NFIB: variants seen among roughly 807,000 people sequenced by gnomAD.
NFIB encodes the protein nuclear factor I B, also known as nuclear factor 1 B-type.
A neutral mutation model predicts 61.5 loss-of-function variants in NFIB; 11 were observed. The observed-to-expected ratio is 0.18, with a 90% CI of 0.11 to 0.30. The LOEUF (loss-of-function observed/expected upper bound fraction) is 0.30, where lower values mean the gene tolerates loss of function less well. Among genes scored for constraint, NFIB ranks in the 10% least tolerant of loss-of-function variants. The pLI, the probability that NFIB is intolerant of heterozygous loss-of-function variation, is 1.00. For missense variants in NFIB, 471 were observed against 608.9 expected, an observed-to-expected ratio of 0.77 and a Z score of 2.38; for synonymous variants, 260 against 216.5, an observed-to-expected ratio of 1.20 and a Z score of -1.76.
intron 1 of NFIB, chr9:14,357,597 T>C (rs1339856810): frequency 6.6e-6 from 1 of 152,200 alleles, no homozygotes; most frequent in African/African-American, 2.4e-5. Flanking sequence ...TAAATAGCAG[T>C]TTCCTTAATC....
At chr9:14,482,367 G>A in the NFIB span, among the ~76,000 whole-genome samples, 1 of 152,108 alleles carries the variant, frequency 6.6e-6, no homozygotes, top group Non-Finnish European at 1.5e-5. Context: ...GGGATATCGT[G>A]TTATGTCCCC....
chr9:14,216,075 T>A (rs1450890409), intron 2 of NFIB, among the ~76,000 whole-genome samples: 1 of 152,184 alleles, frequency 6.6e-6, no homozygotes, highest in Non-Finnish European at 1.5e-5. Context: ...GAATTTAAAT[T>A]TAGTCAAAAA....
the NFIB span, among the ~76,000 whole-genome samples, chr9:14,481,671 T>C: frequency 7.9e-4 from 121 of 152,208 alleles, no homozygotes; most frequent in African/African-American, 2.7e-3. Context: ...CCCATCTCCA[T>C]GGCCACTCCT....
At chr9:14,130,285 C>T (rs1182254397) in intron 6 of NFIB, among the ~76,000 whole-genome samples, 1 of 152,140 alleles carries the variant, frequency 6.6e-6, no homozygotes, top group African/African-American at 2.4e-5. Context: ...TTTGTTTAAA[C>T]TTCAGTGAAG....
the NFIB span, among the ~76,000 whole-genome samples, chr9:14,404,934 G>A: frequency 6.6e-6 from 1 of 152,222 alleles, no homozygotes; most frequent in African/African-American, 2.4e-5. Flanking sequence ...GATTTTGGCT[G>A]AGGTTCCAGT....
chr9:14,520,464 G>A, the NFIB span, among the ~76,000 whole-genome samples: 1 of 152,174 alleles, frequency 6.6e-6, no homozygotes, highest in African/African-American at 2.4e-5. Context: ...CTTGTACTTA[G>A]AGCAGCTCAG....
At chr9:14,419,131 T>C in the NFIB span, among the ~76,000 whole-genome samples, 1 of 151,568 alleles carries the variant, frequency 6.6e-6, no homozygotes. Context: ...AATAGAGGTT[T>C]GTTGCACTAA....
intron 2 of NFIB, among the ~76,000 whole-genome samples, chr9:14,290,979 T>C (rs10810124): frequency 0.34 from 51,860 of 151,914 alleles, 9,177 homozygotes; most frequent in Middle Eastern, 0.43. Context: ...CCATCAACAA[T>C]TGTGCCTGAA....
At chr9:14,166,757 G>C (rs932742242) in intron 3 of NFIB, among the ~76,000 whole-genome samples, 14 of 151,990 alleles carry the variant, frequency 9.2e-5, no homozygotes, top group Non-Finnish European at 1.5e-4. Context: ...TCTGCTTCTG[G>C]AATAAGTATC....
the NFIB span, among the ~76,000 whole-genome samples, chr9:14,420,436 A>T: frequency 8.9e-6 from 1 of 112,114 alleles, no homozygotes; most frequent in Non-Finnish European, 1.7e-5. Flanking sequence ...ACAGAGCGAG[A>T]CTCCGTCTCA....
intron 2 of NFIB, among the ~76,000 whole-genome samples, chr9:14,282,156 T>A (rs553615561): frequency 6.6e-6 from 1 of 152,284 alleles, no homozygotes; most frequent in South Asian, 2.1e-4. Context: ...TGGAGGGCAA[T>A]TTTTAAATAT....
chr9:14,439,495 T>A, the NFIB span, among the ~76,000 whole-genome samples: 1 of 152,248 alleles, frequency 6.6e-6, no homozygotes, highest in South Asian at 2.1e-4. Flanking sequence ...TGAATAAACA[T>A]ACAATGTGCT....
At chr9:14,522,185 C>G in the NFIB span, among the ~76,000 whole-genome samples, 1 of 152,154 alleles carries the variant, frequency 6.6e-6, no homozygotes, top group Non-Finnish European at 1.5e-5. Context: ...GCGATGAAGT[C>G]AAAGGTTTAC....
intron 2 of NFIB, among the ~76,000 whole-genome samples, chr9:14,235,976 T>C (rs1033567263): frequency 6.6e-6 from 1 of 152,212 alleles, no homozygotes; most frequent in Admixed American, 6.5e-5. Context: ...CATTATTTCC[T>C]AAAAGCAGAT....
intron 1 of NFIB, among the ~76,000 whole-genome samples, chr9:14,354,397 T>C (rs1020449167): frequency 7.2e-5 from 11 of 152,364 alleles, no homozygotes; most frequent in African/African-American, 2.6e-4. Context: ...GAAATTCTGC[T>C]ACTAAGTGTT....
chr9:14,209,757 G>A (rs111728470), intron 2 of NFIB, among the ~76,000 whole-genome samples: 3 of 152,266 alleles, frequency 2.0e-5, no homozygotes, highest in Admixed American at 6.5e-5. Context: ...AAGAGCAGAG[G>A]ACTACAAGTT....
At position 14,161,920 on chromosome 9, in the gene NFIB, A is replaced by C. The variant is rs74654470; in HGVS notation, c.617-6027T>G. Among the ~76,000 whole-genome samples the C allele has an allele frequency of 7.6e-3, 1,153 of 152,282 alleles. 16 individuals carry two copies. Among genetic ancestry groups the C allele is most frequent in the South Asian group, 0.045 (216 of 4,822 alleles). On this transcript the variant is annotated intron_variant, in intron 3 of 10. Transcript: ENST00000380953. ...CTTAGGGCAAGCTGTGAGCATGTCCATCTCACAATCCTGCTGCCAGACTTA... is the reference window on the plus strand; with the variant it reads ...CTTAGGGCAAGCTGTGAGCATGTCCCTCTCACAATCCTGCTGCCAGACTTA...
chr9:14,447,556 G>C, the NFIB span, among the ~76,000 whole-genome samples: 7 of 152,158 alleles, frequency 4.6e-5, no homozygotes, highest in Non-Finnish European at 1.0e-4. Flanking sequence ...TAAGTTCTCA[G>C]TAGTGATTTC....
At chr9:14,490,747 G>A in the NFIB span, among the ~76,000 whole-genome samples, 272 of 152,282 alleles carry the variant, frequency 1.8e-3, 6 homozygotes, top group East Asian at 0.041. Context: ...ATATCAATGC[G>A]ATACCATCTT....
Sources: gnomAD v4.1 joint callset for allele counts (sites outside exome capture counted in the v4.1 genomes callset) on GRCh38, gnomAD v4.1.1 for gene constraint, MANE v1.5 for transcripts, NCBI Gene and HGNC (gene_info 2026-07-23, HGNC 2026-07-21) for gene names.